The following RANBP17 variants were observed in gnomAD, a reference collection of about 807,000 sequenced individuals.
The protein encoded by RANBP17 is RAN binding protein 17.
RANBP17 carries 158 observed loss-of-function variants against 141.2 expected under a neutral mutation model. The ratio of observed to expected loss-of-function variants is 1.12; its 90% CI spans 0.98 to 1.28. The LOEUF (loss-of-function observed/expected upper bound fraction) is 1.28. Among genes scored for constraint, RANBP17 ranks in the 50% most tolerant of loss-of-function variants. The pLI is 0.00. For synonymous variants in RANBP17, 430 were observed against 450.0 expected (o/e 0.96, Z 0.56); for missense variants, 1,438 against 1,290.7 (o/e 1.11, Z -1.75).
At chr5:171,064,489 C>G (rs1403774939) in intron 14 of RANBP17, among the ~76,000 whole-genome samples, 1 of 151,870 alleles carries the variant, frequency 6.6e-6, no homozygotes, top group African/African-American at 2.4e-5. Flanking sequence ...AATCTTTGCC[C>G]ATTTGTTTGT....
chr5:171,183,079 T>C (rs1314073798), intron 16 of RANBP17, 88 bp from the exon 17 acceptor site: 1 of 680,366 alleles, frequency 1.5e-6, no homozygotes, highest in Admixed American at 2.7e-5. Flanking sequence ...AAGTAGAAAT[T>C]GATGCCACTA....
At chr5:171,144,313 C>T (rs1252130726) in intron 14 of RANBP17, among the ~76,000 whole-genome samples, 1 of 151,718 alleles carries the variant, frequency 6.6e-6, no homozygotes, top group Admixed American at 6.6e-5. Context: ...TTACAGTGAA[C>T]CAAAATCATG....
intron 16 of RANBP17, among the ~76,000 whole-genome samples, chr5:171,174,751 A>AGTGTGTGTGTGTGTGT (rs57948503): frequency 9.6e-5 from 13 of 135,716 alleles, no homozygotes; most frequent in African/African-American, 3.3e-4. Context: ...AAATATCTAG[A>AGTGTGTGTGTGTGTGT]GTGTGTGTGT....
chr5:170,914,182 A>G lies in RANBP17; in HGVS notation c.776A>G (p.Glu259Gly). Reference protein sequence around the residue: ...TTWRTIFLEPETLDLFFNLYH... With the variant: ...TTWRTIFLEPGTLDLFFNLYH... Reference sequence around the variant, plus strand: ...TTTTTCCCAGTTTTCCTGGAACCAGAAACATTGGATCTTTTCTTCAATTTG... The same window carrying G: ...TTTTTCCCAGTTTTCCTGGAACCAGGAACATTGGATCTTTTCTTCAATTTG... Residue 259 changes from glutamate (E) to glycine (G), a missense_variant, in exon 8 of 28, where the codon GAA becomes GGA. Glu to Gly is a moderately conservative substitution (Grantham distance 98). Transcript: ENST00000523189. 6.2e-7 allele frequency: 1 copy of G among 1,608,288 alleles called. No homozygotes were observed. Among genetic ancestry groups the G allele is most frequent in the Admixed American group, 1.7e-5 (1 of 59,860 alleles).
intron 18 of RANBP17, among the ~76,000 whole-genome samples, chr5:171,190,865 T>G (rs1447628501): frequency 6.6e-6 from 1 of 152,178 alleles, no homozygotes; most frequent in Non-Finnish European, 1.5e-5. Context: ...CAGCCACAAA[T>G]TTGGAAGTGC....
At chr5:171,124,949 A>C (rs1054394475) in intron 14 of RANBP17, among the ~76,000 whole-genome samples, 4 of 152,226 alleles carry the variant, frequency 2.6e-5, no homozygotes, top group African/African-American at 9.6e-5. Context: ...GTAGGACCCA[A>C]CTATATGCTG....
intron 14 of RANBP17, among the ~76,000 whole-genome samples, chr5:171,129,434 T>C (rs540278699): frequency 6.6e-6 from 1 of 152,286 alleles, no homozygotes; most frequent in South Asian, 2.1e-4. Context: ...TTCCTTCTGC[T>C]CACCCCGTGA....
At chr5:171,103,029 T>C (rs1056317397) in intron 14 of RANBP17, among the ~76,000 whole-genome samples, 26 of 152,154 alleles carry the variant, frequency 1.7e-4, no homozygotes, top group Non-Finnish European at 3.5e-4. Context: ...GCATGAGGTG[T>C]CTGTCGACCC....
chr5:171,074,606 CTT>C (rs1784810790), intron 14 of RANBP17, among the ~76,000 whole-genome samples: 1 of 152,180 alleles, frequency 6.6e-6, no homozygotes, highest in South Asian at 2.1e-4. Flanking sequence ...TTTCCCGTAA[CTT>C]TAAAATTGTT....
intron 16 of RANBP17, among the ~76,000 whole-genome samples, chr5:171,180,042 C>T (rs574820609): frequency 2.2e-4 from 33 of 152,264 alleles, no homozygotes; most frequent in Admixed American, 1.4e-3. Flanking sequence ...TCACCCTCTT[C>T]GATGTTTTCA....
At chr5:171,005,803 A>G (rs1159037831) in intron 14 of RANBP17, among the ~76,000 whole-genome samples, 1 of 152,228 alleles carries the variant, frequency 6.6e-6, no homozygotes, top group African/African-American at 2.4e-5. Flanking sequence ...CAGAGTGAAC[A>G]GGCAACCTAC....
At position 171,289,505 on chromosome 5, in the gene RANBP17, A is replaced by AG. The variant is rs551348358; in HGVS notation, c.2944-4372dup. On this transcript the variant is annotated intron_variant, in intron 25 of 27. Coordinates refer to ENST00000523189, the MANE Select transcript of RANBP17 (RefSeq NM_022897.5). ...TCACTCCCAGCACTTCGGGAGGCTG[A>AG]GGGGGGAGGATTGCTTGAGGCCAAG... Among the ~76,000 whole-genome samples the AG allele has an allele frequency of 1.7e-4, 26 of 152,262 alleles. No individual in the cohort carries two copies. The East Asian group carries it at 4.4e-3, about 26-fold the overall frequency.
chr5:171,029,652 A>G (rs553199789), intron 14 of RANBP17, among the ~76,000 whole-genome samples: 1 of 152,228 alleles, frequency 6.6e-6, no homozygotes, highest in South Asian at 2.1e-4. Context: ...GTCATAGCTA[A>G]TTGAAATCCA....
intron 14 of RANBP17, among the ~76,000 whole-genome samples, chr5:171,055,423 C>A (rs879256509): frequency 6.6e-6 from 1 of 152,074 alleles, no homozygotes; most frequent in Non-Finnish European, 1.5e-5. Context: ...AAAGACAAAT[C>A]ATGGTACGAA....
intron 20 of RANBP17, chr5:171,207,945 C>G (rs540324651): frequency 6.6e-6 from 1 of 152,144 alleles, no homozygotes; most frequent in South Asian, 2.1e-4. Context: ...TCAAAGTATT[C>G]AAGTAATGCA....
intron 1 of RANBP17, among the ~76,000 whole-genome samples, chr5:170,868,966 A>G (rs565736055): frequency 6.6e-6 from 1 of 152,292 alleles, no homozygotes; most frequent in South Asian, 2.1e-4. Context: ...CCCTTTCTCT[A>G]AAAAGGTTTT....
chr5:171,076,616 G>A (rs186247629), intron 14 of RANBP17, among the ~76,000 whole-genome samples: 14 of 152,230 alleles, frequency 9.2e-5, no homozygotes, highest in South Asian at 2.1e-4. Context: ...AAAAGATGTC[G>A]AAAACTACTA....
At chr5:171,214,844 G>A (rs191987646) in intron 21 of RANBP17, among the ~76,000 whole-genome samples, 2 of 151,806 alleles carry the variant, frequency 1.3e-5, no homozygotes, top group African/African-American at 4.8e-5. Flanking sequence ...AAAAATCATT[G>A]CATTGTATAT....
chr5:170,892,480 T>G lies in RANBP17; in HGVS notation c.350T>G (p.Leu117Trp). 1 of 1,614,068 alleles carries G rather than the reference T, an allele frequency of 6.2e-7. No individual in the cohort carries two copies. The highest frequency in any genetic ancestry group is 8.5e-7 in the Non-Finnish European group (1 of 1,179,938). ...CAAGTCATTGCTAAAATCACTAAGT[T>G]GGGGTGGTTTGAGGTTCAGAAAGAC... is the stretch of plus-strand genomic sequence containing the variant. Reference protein sequence around the residue: ...LIQVIAKITKLGWFEVQKDQF... With the variant: ...LIQVIAKITKWGWFEVQKDQF... Residue 117 changes from leucine (L) to tryptophan (W), a missense_variant, in exon 4 of 28, where the codon TTG becomes TGG. By Grantham distance (61) the Leu-to-Trp change is moderately conservative (BLOSUM62 -2). Coordinates refer to ENST00000523189, the MANE Select transcript of RANBP17 (RefSeq NM_022897.5).
Sources: gnomAD v4.1 joint callset for allele counts (sites outside exome capture counted in the v4.1 genomes callset) on GRCh38, gnomAD v4.1.1 for gene constraint, MANE v1.5 for transcripts, NCBI Gene and HGNC (gene_info 2026-07-23, HGNC 2026-07-21) for gene names.